Variants in ITGA4 observed in about 807,000 individuals in gnomAD.
ITGA4 encodes integrin alpha-4.
In ITGA4, 63 loss-of-function variants were observed where a neutral mutation model predicts 133.6. That is an observed-to-expected ratio of 0.47 (90% confidence interval 0.38 to 0.58). The LOEUF (loss-of-function observed/expected upper bound fraction) is 0.58. Ranked by LOEUF, ITGA4 falls within the 20% of genes least tolerant of loss-of-function variation. ITGA4 has a pLI of 0.00. For synonymous variants in ITGA4, 483 were observed against 438.0 expected (o/e 1.10, Z -1.28); for missense variants, 1,076 against 1,252.7 (o/e 0.86, Z 2.13).
At chr2:181,470,853 T>A (rs547185884) in intron 2 of ITGA4, among the ~76,000 whole-genome samples, 1 of 152,162 alleles carries the variant, frequency 6.6e-6, no homozygotes, top group East Asian at 1.9e-4. Context: ...GCAGCCTAGA[T>A]GACAGAGTGA....
intron 15 of ITGA4, among the ~76,000 whole-genome samples, chr2:181,499,370 T>C (rs529022273): frequency 7.2e-5 from 11 of 152,264 alleles, no homozygotes; most frequent in African/African-American, 2.6e-4. Context: ...GTTTCTTTTA[T>C]TAAAACACTC....
intron 15 of ITGA4, among the ~76,000 whole-genome samples, chr2:181,503,453 G>A (rs575009704): frequency 6.6e-6 from 1 of 151,818 alleles, no homozygotes; most frequent in African/African-American, 2.4e-5. Context: ...CGGTTAGTAG[G>A]GGAATCAGTT....
chr2:181,474,032 T>C (rs552069439), intron 2 of ITGA4, among the ~76,000 whole-genome samples: 2 of 152,270 alleles, frequency 1.3e-5, no homozygotes, highest in African/African-American at 4.8e-5. Context: ...CTGCCAGGAA[T>C]TAAGAACAGA....
chr2:181,469,241 G>T (rs898792813), intron 2 of ITGA4, among the ~76,000 whole-genome samples: 4 of 152,052 alleles, frequency 2.6e-5, no homozygotes, highest in African/African-American at 7.2e-5. Flanking sequence ...AAACAAAGGG[G>T]GAACAAAGGA....
chr2:181,534,240 C>A, intron 25 of ITGA4, 32 bp from the exon 26 acceptor site: 1 of 1,264,092 alleles, frequency 7.9e-7, no homozygotes, highest in Non-Finnish European at 1.2e-6. Context: ...TGAAATAAAC[C>A]AGGCTATGGT....
intron 2 of ITGA4, chr2:181,458,920 A>G (rs972846166): frequency 2.0e-5 from 3 of 152,344 alleles, no homozygotes; most frequent in African/African-American, 7.2e-5. Flanking sequence ...ATCTTTTTGC[A>G]GTCATTTCTC....
intron 9 of ITGA4, among the ~76,000 whole-genome samples, chr2:181,484,801 G>C (rs1401191842): frequency 6.6e-6 from 1 of 152,050 alleles, no homozygotes; most frequent in African/African-American, 2.4e-5. Flanking sequence ...ATTCCCTTTG[G>C]GTCAAGAAGC....
At position 181,535,491 on chromosome 2, in the gene ITGA4, T is replaced by C. The variant is rs550966429; in HGVS notation, c.3063T>C (p.Ser1021=). ...SILQEENRRD[S]WSYINSKSND... ...TACAAGAAGAAAACAGAAGAGACAG[T>C]TGGAGTTATATCAACAGTAAAAGCA... The change falls in exon 28 of 28, where the codon AGT becomes AGC. Residue 1021 remains serine (S), a synonymous_variant. Coordinates refer to ENST00000397033, the MANE Select transcript of ITGA4 (RefSeq NM_000885.6). 25 of 1,609,396 alleles carry C rather than the reference T, an allele frequency of 1.6e-5. 1 individual carries two copies. In the Admixed American group the frequency reaches 3.2e-4, roughly 21 times the overall value.
chr2:181,508,012 T>C (rs1686429013), intron 15 of ITGA4, among the ~76,000 whole-genome samples: 1 of 142,302 alleles, frequency 7.0e-6, no homozygotes, highest in Non-Finnish European at 1.6e-5. Flanking sequence ...ATTTTGAAAA[T>C]AATGTGGAAT....
rs1181922783 is a variant in ITGA4 at position 181,466,886 on chromosome 2, GATTATTT to G, written c.320-8070_320-8064del. Among the ~76,000 whole-genome samples, 4 of 152,214 alleles carry G rather than the reference GATTATTT, an allele frequency of 2.6e-5. No individual in the cohort carries two copies. In the East Asian group the frequency reaches 7.7e-4, roughly 29 times the overall value. On this transcript the variant is annotated intron_variant, in intron 2 of 27. Coordinates refer to ENST00000397033, the MANE Select transcript of ITGA4 (RefSeq NM_000885.6). Reference sequence around the variant, plus strand: ...ACGTACCCTGAGGAGCAGAGGCATTGATTATTTATTGACCACCTACTAGGTGCCAGGC... The same window carrying G: ...ACGTACCCTGAGGAGCAGAGGCATTGATTGACCACCTACTAGGTGCCAGGC...
At chr2:181,472,308 A>C (rs1032988586) in intron 2 of ITGA4, among the ~76,000 whole-genome samples, 1 of 152,188 alleles carries the variant, frequency 6.6e-6, no homozygotes, top group Admixed American at 6.5e-5. Context: ...TCATTAAGCT[A>C]TTTACATGGT....
intron 19 of ITGA4, 55 bp from the exon 20 acceptor site, chr2:181,524,116 T>TA (rs1686784065): frequency 8.4e-7 from 1 of 1,183,448 alleles, no homozygotes; most frequent in South Asian, 1.4e-5. Flanking sequence ...ATTCAGATTA[T>TA]AAAAAATGTA....
chr2:181,466,022 T>C (rs1574375907), intron 2 of ITGA4, among the ~76,000 whole-genome samples: 1 of 152,174 alleles, frequency 6.6e-6, no homozygotes, highest in Admixed American at 6.6e-5. Flanking sequence ...ACTTTCCCTC[T>C]TTAAATTATG....
At chr2:181,476,291 T>G (rs1158791175) in intron 4 of ITGA4, 4 of 152,862 alleles carry the variant, frequency 2.6e-5, no homozygotes, top group African/African-American at 4.8e-5. Flanking sequence ...GAGTTTTTAG[T>G]TTTTCTCGGA....
rs764002017 is a variant in ITGA4 at position 181,537,447 on chromosome 2, T to C, written c.*1920T>C. On this transcript the variant is annotated 3_prime_UTR_variant, in exon 28 of 28. Coordinates refer to ENST00000397033, the MANE Select transcript of ITGA4 (RefSeq NM_000885.6). ...CTTACTTTGTTACTTGTATCATGAA[T>C]TTTAAAACCCTACCACTTTAAGAAG... 1.1e-4 allele frequency: 50 copies of C among 453,948 alleles called. 1 individual carries two copies. Among genetic ancestry groups the C allele is most frequent in the South Asian group, 7.8e-4 (50 of 64,464 alleles). 28.1% of individuals were successfully genotyped at this position (453,948 alleles called of 1,614,324 possible).
chr2:181,464,755 T>C (rs1685372291), intron 2 of ITGA4, among the ~76,000 whole-genome samples: 1 of 152,030 alleles, frequency 6.6e-6, no homozygotes, highest in Non-Finnish European at 1.5e-5. Flanking sequence ...CAAAGACTCA[T>C]ATCAGGTAGT....
chr2:181,475,734 T>C, intron 4 of ITGA4: 1 of 1,505,378 alleles, frequency 6.6e-7, no homozygotes, highest in Non-Finnish European at 8.9e-7. Context: ...CTATCTCTTT[T>C]TCTAATTTAC....
At chr2:181,477,661 A>G (rs1685706620) in intron 4 of ITGA4, among the ~76,000 whole-genome samples, 1 of 152,134 alleles carries the variant, frequency 6.6e-6, no homozygotes, top group African/African-American at 2.4e-5. Flanking sequence ...CTTCACACCT[A>G]TTAGAATTGT....
Position 181,531,698 on chromosome 2 carries a change from T to C in ITGA4, c.2706T>C (p.Cys902=). ...KADPHCLNFL[C]NFGKMESGKE... Reference sequence around the variant, plus strand: ...ATCCACATTGTTTAAATTTCTTGTGTAATTTTGGGAAAATGGAAAGTGGAA... The same window carrying C: ...ATCCACATTGTTTAAATTTCTTGTGCAATTTTGGGAAAATGGAAAGTGGAA... The change falls in exon 25 of 28, where the codon TGT becomes TGC. Residue 902 remains cysteine, a synonymous_variant. Transcript: ENST00000397033. 1 of 1,604,448 alleles carries C rather than the reference T, an allele frequency of 6.2e-7. No homozygotes were observed. The highest frequency in any genetic ancestry group is 1.3e-5 in the African/African-American group (1 of 74,806).
Sources: gnomAD v4.1 joint callset for allele counts (sites outside exome capture counted in the v4.1 genomes callset) on GRCh38, gnomAD v4.1.1 for gene constraint, MANE v1.5 for transcripts, NCBI Gene and HGNC (gene_info 2026-07-23, HGNC 2026-07-21) for gene names.